HS3ST4: variants seen among roughly 807,000 people sequenced by gnomAD.
HS3ST4 encodes heparan sulfate glucosamine 3-O-sulfotransferase 4.
HS3ST4 carries 17 observed loss-of-function variants against 29.2 expected under a neutral mutation model. The observed-to-expected ratio is 0.58, with a 90% CI of 0.40 to 0.87. HS3ST4 has a LOEUF of 0.87. Ranked by LOEUF, HS3ST4 falls within the 40% of genes least tolerant of loss-of-function variation. HS3ST4 has a pLI of 0.00. For missense variants in HS3ST4, 627 were observed against 634.5 expected (o/e 0.99, Z 0.13); for synonymous variants, 314 against 285.7 (o/e 1.10, Z -1.00).
At chr16:25,927,404 C>G (rs977162283) in intron 1 of HS3ST4, among the ~76,000 whole-genome samples, 1 of 152,174 alleles carries the variant, frequency 6.6e-6, no homozygotes, top group Non-Finnish European at 1.5e-5. Flanking sequence ...AGAAATGAGG[C>G]CCCAGCTCTC....
chr16:26,079,179 G>A (rs1191353344), intron 1 of HS3ST4, among the ~76,000 whole-genome samples: 6 of 152,208 alleles, frequency 3.9e-5, no homozygotes, highest in Admixed American at 6.5e-5. Context: ...CTGAGCAGGC[G>A]CCTGGGATGC....
At chr16:25,757,924 G>T (rs116824972) in intron 1 of HS3ST4, among the ~76,000 whole-genome samples, 1 of 152,036 alleles carries the variant, frequency 6.6e-6, no homozygotes, top group African/African-American at 2.4e-5. Context: ...CCTGGGTTGG[G>T]CCTTTGAATG....
At chr16:26,017,074 T>G (rs1228877532) in intron 1 of HS3ST4, among the ~76,000 whole-genome samples, 4 of 152,232 alleles carry the variant, frequency 2.6e-5, no homozygotes, top group African/African-American at 9.6e-5. Flanking sequence ...AGAGTGGACA[T>G]GTGGCACGAA....
intron 1 of HS3ST4, among the ~76,000 whole-genome samples, chr16:25,988,708 G>A (rs575862528): frequency 2.0e-5 from 3 of 152,148 alleles, no homozygotes; most frequent in Admixed American, 2.0e-4. Flanking sequence ...GGGGACCGTC[G>A]GAGAGTGGAG....
chr16:25,805,110 A>G (rs1321996338), intron 1 of HS3ST4, among the ~76,000 whole-genome samples: 1 of 152,110 alleles, frequency 6.6e-6, no homozygotes, highest in East Asian at 1.9e-4. Context: ...AGTGGTGTCA[A>G]CCTAAAAAAT....
At chr16:25,938,525 AG>A (rs1193780012) in intron 1 of HS3ST4, among the ~76,000 whole-genome samples, 1 of 152,090 alleles carries the variant, frequency 6.6e-6, no homozygotes, top group African/African-American at 2.4e-5. Flanking sequence ...CTGCTGTGAT[AG>A]GGAGCTGGTA....
chr16:26,098,742 AAGAC>A (rs1246975506), intron 1 of HS3ST4, among the ~76,000 whole-genome samples: 3 of 152,124 alleles, frequency 2.0e-5, no homozygotes, highest in Non-Finnish European at 4.4e-5. Flanking sequence ...ATAAAAAAAA[AAGAC>A]AGACTTAAGG....
chr16:26,100,565 T>C (rs1898978468), intron 1 of HS3ST4, among the ~76,000 whole-genome samples: 1 of 152,184 alleles, frequency 6.6e-6, no homozygotes, highest in South Asian at 2.1e-4. Context: ...GACCTCATTG[T>C]GGTGTGTTTG....
intron 1 of HS3ST4, among the ~76,000 whole-genome samples, chr16:26,039,115 T>TGAA (rs1194470887): frequency 6.6e-6 from 1 of 152,194 alleles, no homozygotes; most frequent in Non-Finnish European, 1.5e-5. Context: ...CTACACCTTC[T>TGAA]TTTGGGTACT....
intron 1 of HS3ST4, among the ~76,000 whole-genome samples, chr16:26,067,196 C>T (rs951586330): frequency 6.6e-6 from 1 of 152,150 alleles, no homozygotes; most frequent in African/African-American, 2.4e-5. Flanking sequence ...AATATCTAAA[C>T]GTGCTTCCTG....
At chr16:26,083,319 G>A (rs559882276) in intron 1 of HS3ST4, among the ~76,000 whole-genome samples, 1 of 152,182 alleles carries the variant, frequency 6.6e-6, no homozygotes, top group Non-Finnish European at 1.5e-5. Flanking sequence ...GTACTAAATC[G>A]AGTGAGCTGC....
At chr16:26,038,668 A>G (rs1010566598) in intron 1 of HS3ST4, among the ~76,000 whole-genome samples, 1 of 151,054 alleles carries the variant, frequency 6.6e-6, no homozygotes, top group African/African-American at 2.4e-5. Context: ...GTATGTATGT[A>G]TGTATGTATG....
At chr16:25,728,429 A>G (rs772104932) in intron 1 of HS3ST4, among the ~76,000 whole-genome samples, 4 of 152,258 alleles carry the variant, frequency 2.6e-5, no homozygotes, top group Non-Finnish European at 4.4e-5. Context: ...TTTGCAAAGA[A>G]CATATAATAC....
intron 1 of HS3ST4, among the ~76,000 whole-genome samples, chr16:25,767,345 C>T (rs768999467): frequency 3.3e-5 from 5 of 151,964 alleles, no homozygotes; most frequent in Non-Finnish European, 7.4e-5. Flanking sequence ...GTGCAAATAC[C>T]CAGTGCAAAC....
chr16:25,739,211 G>A (rs569006177), intron 1 of HS3ST4, among the ~76,000 whole-genome samples: 260 of 152,120 alleles, frequency 1.7e-3, no homozygotes, highest in African/African-American at 5.9e-3. Flanking sequence ...GCGTGGTGGC[G>A]GGCACCTGTA....
chr16:25,754,271 A>G (rs564751776), intron 1 of HS3ST4, among the ~76,000 whole-genome samples: 1 of 152,256 alleles, frequency 6.6e-6, no homozygotes, highest in South Asian at 2.1e-4. Flanking sequence ...GGCCCTGGTA[A>G]GGAGCCTCCA....
At chr16:25,978,415 T>C (rs979271262) in intron 1 of HS3ST4, among the ~76,000 whole-genome samples, 5 of 152,258 alleles carry the variant, frequency 3.3e-5, no homozygotes, top group African/African-American at 1.2e-4. Flanking sequence ...AAAATAGCCA[T>C]AGACAACACC....
rs1183187416 is a variant in HS3ST4, at chr16:26,136,370, T to G, written c.*122T>G. 1 of 945,008 alleles carries G rather than the reference T, an allele frequency of 1.1e-6. No individual in the cohort carries two copies. Among genetic ancestry groups the G allele is most frequent in the Non-Finnish European group, 1.5e-6 (1 of 648,752 alleles). 58.5% of individuals were successfully genotyped at this position (945,008 alleles called of 1,614,324 possible). On this transcript the variant is annotated 3_prime_UTR_variant, in exon 2 of 2. Coordinates refer to ENST00000331351, the MANE Select transcript of HS3ST4 (RefSeq NM_006040.3). ...GCCAAGTAGATCTCCTCCTCCTTCA[T>G]GCAGCCAGGATTGCCTCCAGTGCTG... is the stretch of plus-strand genomic sequence containing the variant.
intron 1 of HS3ST4, chr16:26,032,828 G>A (rs1320417183): frequency 8.3e-6 from 13 of 1,571,464 alleles, no homozygotes; most frequent in African/African-American, 1.3e-5. Context: ...GGCGGCGACG[G>A]CAGCAGGACG....
Sources: gnomAD v4.1 joint callset for allele counts (sites outside exome capture counted in the v4.1 genomes callset) on GRCh38, gnomAD v4.1.1 for gene constraint, MANE v1.5 for transcripts, NCBI Gene and HGNC (gene_info 2026-07-23, HGNC 2026-07-21) for gene names.